Variants in HK1 observed in about 807,000 individuals in gnomAD.
The protein encoded by HK1 is hexokinase 1.
In HK1, 28 loss-of-function variants were observed where a neutral mutation model predicts 91.6. That is an observed-to-expected ratio of 0.31 (90% CI 0.23 to 0.42). HK1 has a LOEUF of 0.42. HK1 is among the 10% of genes least tolerant of loss of function. HK1 has a pLI of 1.00. For missense variants in HK1, 770 were observed against 1,219.8 expected, an observed-to-expected ratio of 0.63 and a Z score of 5.49; for synonymous variants, 430 against 468.1, an observed-to-expected ratio of 0.92 and a Z score of 1.05.
At chr10:69,311,020 G>A (rs111698053), upstream of HK1, among the ~76,000 whole-genome samples, 7,302 of 150,768 alleles carry the variant, frequency 0.048, 355 homozygotes, top group African/African-American at 0.13. Context: ...CTGCACCACT[G>A]CACTTCAGCC....
At chr10:69,307,351 T>G (rs948440975) in intron 5 of HK1, among the ~76,000 whole-genome samples, 10 of 152,094 alleles carry the variant, frequency 6.6e-5, no homozygotes, top group African/African-American at 2.4e-4. Flanking sequence ...TCTGCCTCTC[T>G]GTTTGGTTTG....
intron 7 of HK1, among the ~76,000 whole-genome samples, chr10:69,376,470 C>T (rs1564553230): frequency 6.6e-6 from 1 of 152,062 alleles, no homozygotes; most frequent in Non-Finnish European, 1.5e-5. Context: ...TGTCACTGCG[C>T]TCTAGCCTGG....
At position 69,377,095 on chromosome 10, in the gene HK1, T is replaced by C. The variant is rs57012387; in HGVS notation, c.1031+6T>C. On this transcript the variant is annotated splice_donor_region_variant and intron_variant, in intron 8 of 17. Transcript: ENST00000359426. ...GATGTGTCAGCCATCGAAAAGTAGG[T>C]ACCATCCCCTCAAGGCTTTCTTGGG... 4,688 of 1,614,000 alleles carry C rather than the reference T, an allele frequency of 2.9e-3. 126 individuals carry two copies. In the African/African-American group the frequency reaches 0.056, roughly 19 times the overall value.
At chr10:69,392,619 G>T (rs1045733821) in intron 15 of HK1, among the ~76,000 whole-genome samples, 24 of 152,176 alleles carry the variant, frequency 1.6e-4, no homozygotes, top group Non-Finnish European at 3.4e-4. Flanking sequence ...GAATAACAAG[G>T]GGGTGGGGTG....
intron 1 of HK1, among the ~76,000 whole-genome samples, chr10:69,272,993 G>C (rs955547650): frequency 4.8e-4 from 62 of 129,976 alleles, no homozygotes; most frequent in African/African-American, 1.8e-3. Context: ...TTTTTTCTCT[G>C]TGCTTCCGTT....
At chr10:69,275,560 A>G (rs1433073289) in intron 1 of HK1, among the ~76,000 whole-genome samples, 1 of 152,174 alleles carries the variant, frequency 6.6e-6, no homozygotes, top group Non-Finnish European at 1.5e-5. Context: ...TCTGTGGGCC[A>G]TATGATCTGT....
intron 1 of HK1, among the ~76,000 whole-genome samples, chr10:69,276,090 CAAA>C (rs60324656): frequency 1.2e-3 from 19 of 15,944 alleles, no homozygotes; most frequent in South Asian, 5.2e-3. Context: ...AACTCCTTTT[CAAA>C]AAAAAAAAAA....
chr10:69,400,855 T>TTA, intron 17 of HK1, 136 bp from the exon 18 acceptor site: 2 of 918,068 alleles, frequency 2.2e-6, no homozygotes, highest in South Asian at 2.7e-5. Context: ...TATGTCCTGA[T>TTA]AAACCCATCA....
intron 1 of HK1, among the ~76,000 whole-genome samples, chr10:69,332,401 C>A (rs1847782588): frequency 6.7e-6 from 1 of 149,574 alleles, no homozygotes; most frequent in African/African-American, 2.4e-5. Context: ...TTTTTTGAGA[C>A]AGACTCTTGC....
intron 3 of HK1, among the ~76,000 whole-genome samples, chr10:69,364,140 G>A (rs984304855): frequency 1.4e-4 from 21 of 152,210 alleles, no homozygotes; most frequent in African/African-American, 5.1e-4. Flanking sequence ...GACTGCAGGG[G>A]CAGAAGGGGG....
At chr10:69,325,891 G>T (rs922998453) in intron 1 of HK1, among the ~76,000 whole-genome samples, 2 of 150,696 alleles carry the variant, frequency 1.3e-5, no homozygotes, top group African/African-American at 4.9e-5. Context: ...TTGTAGTACA[G>T]TAGCACGATC....
intron 1 of HK1, among the ~76,000 whole-genome samples, chr10:69,323,033 G>C (rs1033756243): frequency 3.3e-5 from 5 of 152,038 alleles, no homozygotes; most frequent in African/African-American, 1.2e-4. Context: ...GAATCACGAA[G>C]TCAGGAGTTC....
chr10:69,340,739 C>G (rs1430552437), intron 1 of HK1, among the ~76,000 whole-genome samples: 1 of 152,148 alleles, frequency 6.6e-6, no homozygotes, highest in Non-Finnish European at 1.5e-5. Context: ...CCTCCATTCT[C>G]CACGCAGCAG....
At chr10:69,352,840 A>G (rs574119226) in intron 2 of HK1, among the ~76,000 whole-genome samples, 1 of 152,300 alleles carries the variant, frequency 6.6e-6, no homozygotes, top group East Asian at 1.9e-4. Flanking sequence ...AAAACCACTG[A>G]ATTTTTCACT....
intron 5 of HK1, among the ~76,000 whole-genome samples, chr10:69,309,495 TA>T (rs1177161842): frequency 4.2e-3 from 197 of 46,980 alleles, no homozygotes; most frequent in East Asian, 0.014. Context: ...TTTGTCTCAT[TA>T]AAAAAAAAAA....
intron 7 of HK1, among the ~76,000 whole-genome samples, chr10:69,376,656 C>T (rs1839125135): frequency 6.6e-6 from 1 of 152,238 alleles, no homozygotes; most frequent in African/African-American, 2.4e-5. Flanking sequence ...AACGCTCCCC[C>T]TGCCTTCAGG....
At chr10:69,383,363 C>T (rs935960687) in intron 10 of HK1, among the ~76,000 whole-genome samples, 9 of 152,170 alleles carry the variant, frequency 5.9e-5, no homozygotes, top group Non-Finnish European at 2.9e-5. Flanking sequence ...AATTGTAGAA[C>T]AAAATCCAAC....
rs759070618 is a variant in HK1, at chr10:69,364,753, G to A, written c.376-30G>A. 3.1e-6 allele frequency: 5 copies of A among 1,614,010 alleles called. No individual in the cohort carries two copies. The East Asian group carries it at 1.1e-4, about 36-fold the overall frequency. ...TATGAAATGCTAAGCCTGCTTTGGG[G>A]CCCCCTGACTGCTCTCATGTTTCCT... On this transcript the variant is annotated intron_variant, in intron 3 of 17. Coordinates refer to ENST00000359426, the MANE Select transcript of HK1 (RefSeq NM_000188.3).
In HK1 at chr10:69,369,482, A is replaced by G. The variant is rs1849886985; in HGVS notation, c.733A>G (p.Ile245Val). The G allele has an allele frequency of 6.2e-7, 1 of 1,614,114 alleles. No homozygotes were observed. Among genetic ancestry groups the G allele is most frequent in the Non-Finnish European group, 8.5e-7 (1 of 1,180,042 alleles). The change falls in exon 7 of 18, where the codon ATT (isoleucine) becomes GTT (valine). Residue 245 changes from isoleucine to valine, a missense_variant. By Grantham distance (29) the Ile-to-Val change is conservative. Coordinates refer to ENST00000359426, the MANE Select transcript of HK1 (RefSeq NM_000188.3). The surrounding 1 kb of genome is among the most constrained non-coding windows in gnomAD (Gnocchi z 4.4). The stretch of plus-strand genomic sequence containing the variant: ...TTGCTACATGGAGGAACTGAGGCAC[A>G]TTGATCTGGTGGAAGGAGACGAGGG... ...NACYMEELRHIDLVEGDEGRM... is the reference protein window; with the variant it reads ...NACYMEELRHVDLVEGDEGRM...
Sources: gnomAD v4.1 joint callset for allele counts (sites outside exome capture counted in the v4.1 genomes callset) on GRCh38, gnomAD v4.1.1 for gene constraint, Gnocchi (gnomAD v3.1) non-coding constraint, MANE v1.5 for transcripts, NCBI Gene and HGNC (gene_info 2026-07-23, HGNC 2026-07-21) for gene names.